ABTB2: variants seen among roughly 807,000 people sequenced by gnomAD.
The protein encoded by ABTB2 is ankyrin repeat and BTB/POZ domain-containing protein 2.
Under a neutral mutation model 104.1 loss-of-function variants are expected in ABTB2, and 56 were observed. That is an observed-to-expected ratio of 0.54 (90% confidence interval 0.43 to 0.67). The LOEUF (loss-of-function observed/expected upper bound fraction) is 0.67. ABTB2 is among the 30% of genes least tolerant of loss of function. ABTB2 has a pLI of 0.00. For missense variants in ABTB2, 1,279 were observed against 1,407.7 expected (o/e 0.91, Z 1.46); for synonymous variants, 606 against 608.2 (o/e 1.00, Z 0.05).
At chr11:34,240,929 A>AT (rs1853908730) in intron 1 of ABTB2, among the ~76,000 whole-genome samples, 2 of 151,564 alleles carry the variant, frequency 1.3e-5, no homozygotes, top group African/African-American at 4.9e-5. Flanking sequence ...CTTCTTTTTA[A>AT]TTTTTTTTCT....
chr11:34,353,792 A>G (rs1213064730), intron 1 of ABTB2, among the ~76,000 whole-genome samples: 2 of 152,250 alleles, frequency 1.3e-5, no homozygotes, highest in Non-Finnish European at 2.9e-5. Context: ...TAGCAGGCAT[A>G]TCAACAATAA....
chr11:34,236,418 A>T (rs149384079), intron 1 of ABTB2, among the ~76,000 whole-genome samples: 1 of 152,148 alleles, frequency 6.6e-6, no homozygotes, highest in South Asian at 2.1e-4. Flanking sequence ...AAGACAAAAA[A>T]TTCTTTCTAA....
At chr11:34,232,601 C>G (rs1280452927) in intron 1 of ABTB2, among the ~76,000 whole-genome samples, 2 of 152,152 alleles carry the variant, frequency 1.3e-5, no homozygotes, top group African/African-American at 4.8e-5. Flanking sequence ...AGCCTTCTCT[C>G]ACAGACCACT....
chr11:34,160,224 AGGGCGCAGG>A lies in ABTB2; in HGVS notation c.2503+15_2503+23del. ...AGAGGGGGAGGACGTGTGGTGATGC[AGGGCGCAGG>A]GGGCGCGCCTTCACCTAGCCTGGCC... On this transcript the variant is annotated intron_variant, in intron 12 of 16. Coordinates refer to ENST00000435224, the MANE Select transcript of ABTB2 (RefSeq NM_145804.3). The A allele has an allele frequency of 1.3e-6, 2 of 1,574,462 alleles. No individual in the cohort carries two copies. The highest frequency in any genetic ancestry group is 1.7e-6 in the Non-Finnish European group (2 of 1,144,422).
intron 1 of ABTB2, among the ~76,000 whole-genome samples, chr11:34,352,462 T>C (rs1855410471): frequency 1.3e-5 from 2 of 152,254 alleles, no homozygotes; most frequent in African/African-American, 4.8e-5. Flanking sequence ...TTATTTACTT[T>C]TTCTCATTTC....
intron 13 of ABTB2, among the ~76,000 whole-genome samples, chr11:34,159,647 G>A (rs539359050): frequency 5.3e-5 from 8 of 152,296 alleles, no homozygotes; most frequent in Middle Eastern, 6.8e-3. Flanking sequence ...TTCATTCCAG[G>A]ATATTTATGT....
At chr11:34,286,362 G>A (rs1264520609) in intron 1 of ABTB2, among the ~76,000 whole-genome samples, 11 of 151,938 alleles carry the variant, frequency 7.2e-5, no homozygotes, top group African/African-American at 2.7e-4. Flanking sequence ...GCACGATCTC[G>A]GCTCACTGCG....
At chr11:34,327,880 T>C (rs1267466) in intron 1 of ABTB2, among the ~76,000 whole-genome samples, 137,761 of 152,186 alleles carry the variant, frequency 0.91, 62,560 homozygotes, top group East Asian at 1. Flanking sequence ...GGCAGCTGCG[T>C]GTACATGGTT....
intron 1 of ABTB2, among the ~76,000 whole-genome samples, chr11:34,309,272 T>C (rs1854820748): frequency 6.6e-6 from 1 of 152,226 alleles, no homozygotes; most frequent in African/African-American, 2.4e-5. Flanking sequence ...GGTGGGCATT[T>C]TGGGGACCTT....
chr11:34,300,083 A>C (rs996437417), intron 1 of ABTB2, among the ~76,000 whole-genome samples: 3 of 152,176 alleles, frequency 2.0e-5, no homozygotes, highest in Non-Finnish European at 2.9e-5. Flanking sequence ...AAGGTGAGGA[A>C]GGGTTCTCTT....
intron 2 of ABTB2, 115 bp downstream of exon 2, chr11:34,204,429 G>A (rs1853380813): frequency 3.5e-5 from 46 of 1,303,274 alleles, no homozygotes; most frequent in Non-Finnish European, 3.4e-5. Flanking sequence ...GGCACTTGGA[G>A]GAGGAGGAGG....
chr11:34,327,211 T>G (rs1400482260), intron 1 of ABTB2, among the ~76,000 whole-genome samples: 1 of 152,220 alleles, frequency 6.6e-6, no homozygotes, highest in African/African-American at 2.4e-5. Flanking sequence ...ATTAAATGTA[T>G]GGAAAAACAT....
At chr11:34,322,077 G>C (rs760555395) in intron 1 of ABTB2, among the ~76,000 whole-genome samples, 42 of 152,182 alleles carry the variant, frequency 2.8e-4, no homozygotes, top group Non-Finnish European at 4.6e-4. Context: ...ATTGGCAGGG[G>C]TTCACAGCCC....
Position 34,153,748 on chromosome 11 carries a change from T to C in ABTB2, c.2880+517A>G, listed in dbSNP as rs1254657759. Among the ~76,000 whole-genome samples, 4 of 152,088 alleles carry C rather than the reference T, an allele frequency of 2.6e-5. No homozygotes were observed. The East Asian group carries it at 7.7e-4, about 29-fold the overall frequency. ...GTCCAAGAGAGTGATGGTGGTGGCT[T>C]AGGGCAAGGCGAGGGCAGTGGAGAT... On this transcript the variant is annotated intron_variant, in intron 16 of 16. Transcript: ENST00000435224.
intron 1 of ABTB2, among the ~76,000 whole-genome samples, chr11:34,294,442 C>T (rs1262745063): frequency 6.6e-6 from 1 of 152,134 alleles, no homozygotes; most frequent in Non-Finnish European, 1.5e-5. Flanking sequence ...GGAGATGAGA[C>T]CTTGATTGTT....
At chr11:34,269,756 C>T (rs1382745819) in intron 1 of ABTB2, among the ~76,000 whole-genome samples, 1 of 152,220 alleles carries the variant, frequency 6.6e-6, no homozygotes, top group African/African-American at 2.4e-5. Flanking sequence ...GGGATTTGGC[C>T]CACTGGCCCT....
In ABTB2 at chr11:34,357,625, C is replaced by A; in HGVS notation, c.-42G>T. The stretch of plus-strand genomic sequence containing the variant: ...GCGGCGTCGCCGAGCGAGGGGCACT[C>A]ACAACTCCATGCCCTCTTTCCCAAG... On this transcript the variant is annotated 5_prime_UTR_variant, in exon 1 of 17. It removes the in-frame stop codon of an upstream open reading frame in the 5' UTR. Transcript: ENST00000435224. 6.8e-7 allele frequency: 1 copy of A among 1,475,708 alleles called. No individual in the cohort carries two copies. The highest frequency in any genetic ancestry group is 1.3e-5 in the South Asian group (1 of 75,360). The allele number at this position is 1,475,708 out of a possible 1,614,324, so 91.4% of individuals were successfully genotyped here.
chr11:34,154,691 C>T lies in ABTB2; in HGVS notation c.2766+10G>A, dbSNP rs574717926. ...TAGCCCAGGCCCCCTCCCCCTCTCC[C>T]GAGTCTCACCTCCAGGATGTCAGTG... On this transcript the variant is annotated intron_variant, in intron 15 of 16. Transcript: ENST00000435224. This position sits in a 1 kb window ranked among gnomAD's most constrained non-coding sequence, Gnocchi z 4.9. The T allele has an allele frequency of 1.1e-5, 17 of 1,613,990 alleles. No individual in the cohort carries two copies. In the African/African-American group the frequency reaches 1.2e-4, roughly 11 times the overall value.
chr11:34,232,896 G>A (rs1230664357), intron 1 of ABTB2, among the ~76,000 whole-genome samples: 1 of 151,964 alleles, frequency 6.6e-6, no homozygotes. Context: ...TGAGGTCAGG[G>A]CTGCAGTGAG....
Sources: allele counts gnomAD v4.1 joint callset (sites outside exome capture counted in the v4.1 genomes callset), GRCh38; gene constraint gnomAD v4.1.1; non-coding constraint Gnocchi (gnomAD v3.1); transcripts MANE v1.5; gene names NCBI Gene and HGNC (gene_info 2026-07-23, HGNC 2026-07-21).